LYRM4: variants seen among roughly 807,000 people sequenced by gnomAD.
The protein encoded by LYRM4 is LYR motif-containing protein 4.
LYRM4 carries 9 observed loss-of-function variants against 11.7 expected under a neutral mutation model. The observed-to-expected ratio is 0.77, with a 90% CI of 0.46 to 1.34. LYRM4 has a LOEUF of 1.34. LYRM4 is among the 40% of genes most tolerant of loss of function. The pLI is 0.00. For missense variants in LYRM4, 133 were observed against 112.5 expected, an observed-to-expected ratio of 1.18 and a Z score of -0.82; for synonymous variants, 42 against 40.4, an observed-to-expected ratio of 1.04 and a Z score of -0.15.
At chr6:5,100,356 GCTCT>G (rs1762461671), downstream of LYRM4, among the ~76,000 whole-genome samples, 1 of 152,118 alleles carries the variant, frequency 6.6e-6, no homozygotes, top group African/African-American at 2.4e-5. Flanking sequence ...CCTCATCTCT[GCTCT>G]CTGAGGTTGC....
chr6:5,163,080 T>C (rs747093875), intron 2 of LYRM4, among the ~76,000 whole-genome samples: 3 of 152,252 alleles, frequency 2.0e-5, no homozygotes, highest in Admixed American at 6.5e-5. Flanking sequence ...ATAATTTTAA[T>C]ATGGTCCAAT....
At chr6:5,256,594 T>C (rs1339453679) in intron 1 of LYRM4, among the ~76,000 whole-genome samples, 2 of 148,628 alleles carry the variant, frequency 1.3e-5, no homozygotes, top group African/African-American at 4.9e-5. Flanking sequence ...GGATCAATTA[T>C]GACTCTCATT....
chr6:5,101,968 CTTTT>C (rs397826404), downstream of LYRM4, among the ~76,000 whole-genome samples: 7 of 67,984 alleles, frequency 1.0e-4, no homozygotes, highest in East Asian at 2.6e-3. Context: ...CTAATGCTTT[CTTTT>C]TTTTTTTTTT....
At chr6:5,177,076 G>A (rs1222424903) in intron 2 of LYRM4, among the ~76,000 whole-genome samples, 1 of 152,194 alleles carries the variant, frequency 6.6e-6, no homozygotes, top group African/African-American at 2.4e-5. Flanking sequence ...AATGCCAATA[G>A]GAAGGGAAAA....
intron 2 of LYRM4, among the ~76,000 whole-genome samples, chr6:5,128,114 C>A (rs77955971): frequency 0.017 from 2,566 of 152,238 alleles, 26 homozygotes; most frequent in Non-Finnish European, 0.025. Flanking sequence ...AGAGTCTGGG[C>A]AGGCAATGGG....
chr6:5,230,521 C>G (rs964723461), intron 1 of LYRM4, among the ~76,000 whole-genome samples: 6 of 152,136 alleles, frequency 3.9e-5, no homozygotes, highest in Non-Finnish European at 7.4e-5. Context: ...GACTACAGAA[C>G]ACAGTTTTCT....
intron 1 of LYRM4, among the ~76,000 whole-genome samples, chr6:5,233,381 A>G (rs891635822): frequency 6.6e-6 from 1 of 152,200 alleles, no homozygotes; most frequent in Non-Finnish European, 1.5e-5. Flanking sequence ...TTTACTCCCA[A>G]AACAATCACA....
downstream of LYRM4, chr6:5,104,813 C>T (rs1402515998): frequency 6.6e-6 from 1 of 152,190 alleles, no homozygotes; most frequent in Non-Finnish European, 1.5e-5. Context: ...TCCTAGACTC[C>T]CTGCAGCCCT....
intron 2 of LYRM4, among the ~76,000 whole-genome samples, chr6:5,130,209 TC>T (rs1763887317): frequency 6.6e-6 from 1 of 152,070 alleles, no homozygotes. Flanking sequence ...CAGGGGGAGT[TC>T]ATGAGAGCTT....
chr6:5,192,953 G>A (rs1282432559), intron 2 of LYRM4, among the ~76,000 whole-genome samples: 1 of 152,196 alleles, frequency 6.6e-6, no homozygotes, highest in Non-Finnish European at 1.5e-5. Flanking sequence ...TTGAACCCAG[G>A]AGGCAGATTG....
intron 1 of LYRM4, among the ~76,000 whole-genome samples, chr6:5,250,717 G>A (rs899373350): frequency 7.1e-6 from 1 of 140,930 alleles, no homozygotes; most frequent in Non-Finnish European, 1.5e-5. Flanking sequence ...TATAAATTCA[G>A]AACAAACGTA....
At chr6:5,086,757 G>C in the LYRM4 span, 3 of 593,358 alleles carry the variant, frequency 5.1e-6, no homozygotes, top group Middle Eastern at 8.9e-4. Flanking sequence ...TAGAGAGCCC[G>C]GGCAATGCTC....
Position 5,254,985 on chromosome 6 carries a change from T to C in LYRM4, c.86+5663A>G, listed in dbSNP as rs933912416. ...CAATCTGGGTTCTGCCATAACCACT[T>C]GACTAACAATGCTGCTCTGGTAATG... On this transcript the variant is annotated intron_variant, in intron 1 of 2. Coordinates refer to ENST00000330636, the MANE Select transcript of LYRM4 (RefSeq NM_020408.6). Among the ~76,000 whole-genome samples the C allele has an allele frequency of 7.2e-5, 11 of 152,280 alleles. No individual in the cohort carries two copies. The East Asian group carries it at 2.1e-3, about 29-fold the overall frequency.
chr6:5,155,348 T>A (rs535679713), intron 2 of LYRM4, among the ~76,000 whole-genome samples: 38 of 152,306 alleles, frequency 2.5e-4, no homozygotes, highest in African/African-American at 8.9e-4. Flanking sequence ...CCCATTGTGG[T>A]GGGATTACAG....
chr6:5,153,357 C>G (rs1046137767), intron 2 of LYRM4, among the ~76,000 whole-genome samples: 1 of 152,190 alleles, frequency 6.6e-6, no homozygotes, highest in South Asian at 2.1e-4. Context: ...TCCAAAAGTG[C>G]TGGGATTACA....
chr6:5,203,444 C>T (rs1761508168), intron 2 of LYRM4, among the ~76,000 whole-genome samples: 1 of 152,170 alleles, frequency 6.6e-6, no homozygotes, highest in South Asian at 2.1e-4. Flanking sequence ...AATTAAGGGA[C>T]TCCCATTTTT....
At chr6:5,171,624 T>C (rs1183659095) in intron 2 of LYRM4, among the ~76,000 whole-genome samples, 1 of 152,232 alleles carries the variant, frequency 6.6e-6, no homozygotes, top group Admixed American at 6.5e-5. Context: ...TAAGAATCGA[T>C]AAGCAGTTGT....
intron 2 of LYRM4, among the ~76,000 whole-genome samples, chr6:5,203,243 G>C (rs1184810272): frequency 6.6e-6 from 1 of 152,182 alleles, no homozygotes; most frequent in Non-Finnish European, 1.5e-5. Flanking sequence ...TTTCACTGAA[G>C]CTCTGATTAG....
intron 2 of LYRM4, among the ~76,000 whole-genome samples, chr6:5,192,753 C>T (rs911342812): frequency 3.3e-5 from 5 of 152,170 alleles, no homozygotes; most frequent in East Asian, 3.9e-4. Flanking sequence ...GGGCCTGGCG[C>T]GGTGGCCCGC....
Sources: gnomAD v4.1 joint callset for allele counts (sites outside exome capture counted in the v4.1 genomes callset) on GRCh38, gnomAD v4.1.1 for gene constraint, MANE v1.5 for transcripts, NCBI Gene and HGNC (gene_info 2026-07-23, HGNC 2026-07-21) for gene names.